ARK2C: variants seen among roughly 807,000 people sequenced by gnomAD.
ARK2C encodes arkadia (RNF111) C-terminal like ring finger ubiquitin ligase 2C, also known as E3 ubiquitin-protein ligase ARK2C.
the ARK2C span, among the ~76,000 whole-genome samples, chr18:46,357,185 C>T: frequency 1.1e-4 from 16 of 152,314 alleles, no homozygotes; most frequent in Admixed American, 9.8e-4. Flanking sequence ...GGACTCCTCG[C>T]TGAATAGTAA....
chr18:46,337,805 CTT>C, the ARK2C span, among the ~76,000 whole-genome samples: 6 of 132,558 alleles, frequency 4.5e-5, no homozygotes, highest in Non-Finnish European at 4.8e-5. Flanking sequence ...TTTTACTTTA[CTT>C]TTTTTTTTTT....
At chr18:46,347,220 G>C in the ARK2C span, among the ~76,000 whole-genome samples, 1 of 152,186 alleles carries the variant, frequency 6.6e-6, no homozygotes, top group African/African-American at 2.4e-5. Flanking sequence ...GCCCAGATCT[G>C]ATCCAAGAGG....
At chr18:46,367,355 A>G in the ARK2C span, among the ~76,000 whole-genome samples, 7 of 152,342 alleles carry the variant, frequency 4.6e-5, no homozygotes, top group South Asian at 1.0e-3. Context: ...GGGTCTGAGC[A>G]CAAATTGGAG....
chr18:46,368,914 T>C, the ARK2C span, among the ~76,000 whole-genome samples: 4 of 152,236 alleles, frequency 2.6e-5, no homozygotes, highest in African/African-American at 9.6e-5. Flanking sequence ...TTTAGAACAG[T>C]GCATGGCACA....
chr18:46,346,769 C>A, the ARK2C span, among the ~76,000 whole-genome samples: 3 of 152,190 alleles, frequency 2.0e-5, no homozygotes, highest in African/African-American at 7.2e-5. Flanking sequence ...ACCCCACTTC[C>A]CCCATGCAAA....
the ARK2C span, among the ~76,000 whole-genome samples, chr18:46,424,174 C>T: frequency 6.6e-6 from 1 of 152,306 alleles, no homozygotes; most frequent in African/African-American, 2.4e-5. Flanking sequence ...TCTTGGAGGG[C>T]TCCCAAGGGA....
chr18:46,382,999 G>T, the ARK2C span, among the ~76,000 whole-genome samples: 1 of 152,246 alleles, frequency 6.6e-6, no homozygotes, highest in African/African-American at 2.4e-5. Context: ...CACCCCCTGG[G>T]TCTGGAACCT....
the ARK2C span, among the ~76,000 whole-genome samples, chr18:46,422,715 C>T: frequency 6.6e-6 from 1 of 152,198 alleles, no homozygotes; most frequent in Non-Finnish European, 1.5e-5. Context: ...TTTGCATCAT[C>T]TCCTGGTGGG....
At chr18:46,385,933 G>A in the ARK2C span, 5 of 152,212 alleles carry the variant, frequency 3.3e-5, no homozygotes, top group African/African-American at 1.2e-4. Context: ...ATAAGGGGAT[G>A]GGGCTAGATG....
At chr18:46,452,340 C>T in the ARK2C span, among the ~76,000 whole-genome samples, 2 of 152,126 alleles carry the variant, frequency 1.3e-5, no homozygotes, top group East Asian at 3.9e-4. Context: ...AGTGCAGTGG[C>T]ACGATCTTGA....
At chr18:46,342,082 G>A in the ARK2C span, among the ~76,000 whole-genome samples, 3 of 152,192 alleles carry the variant, frequency 2.0e-5, no homozygotes, top group Non-Finnish European at 2.9e-5. Flanking sequence ...GCAATTCAAA[G>A]CTCTCTCTTC....
chr18:46,358,459 C>G, the ARK2C span, among the ~76,000 whole-genome samples: 1 of 152,168 alleles, frequency 6.6e-6, no homozygotes, highest in Non-Finnish European at 1.5e-5. Flanking sequence ...AATGAGGCCA[C>G]GGCAATTTTG....
chr18:46,455,340 G>C, the ARK2C span, among the ~76,000 whole-genome samples: 2 of 152,118 alleles, frequency 1.3e-5, no homozygotes, highest in African/African-American at 4.8e-5. Flanking sequence ...GTGTTGAGGG[G>C]GAGTGGATGG....
At chr18:46,408,843 T>C in the ARK2C span, among the ~76,000 whole-genome samples, 1 of 152,214 alleles carries the variant, frequency 6.6e-6, no homozygotes, top group African/African-American at 2.4e-5. Context: ...GTGATGAGCC[T>C]TCATCCCAGT....
the ARK2C span, among the ~76,000 whole-genome samples, chr18:46,355,912 G>T: frequency 1.3e-5 from 2 of 152,192 alleles, no homozygotes; most frequent in African/African-American, 4.8e-5. Context: ...CAATGGTGAT[G>T]ATGATGATGA....
At chr18:46,398,976 C>T in the ARK2C span, among the ~76,000 whole-genome samples, 2 of 152,132 alleles carry the variant, frequency 1.3e-5, no homozygotes, top group African/African-American at 4.8e-5. Context: ...AAAGGGCAGG[C>T]TCCTGGGTGT....
the ARK2C span, chr18:46,334,846 T>G: frequency 1.7e-5 from 3 of 181,208 alleles, no homozygotes; most frequent in South Asian, 2.0e-4. This position sits in a 1 kb window ranked among gnomAD's most constrained non-coding sequence, Gnocchi z 4.4. Flanking sequence ...GATGGCTGGC[T>G]AGCTGGGACC....
At chr18:46,393,754 T>C in the ARK2C span, among the ~76,000 whole-genome samples, 1 of 152,144 alleles carries the variant, frequency 6.6e-6, no homozygotes, top group South Asian at 2.1e-4. Flanking sequence ...GAGAGGCCAG[T>C]AAGTAGAAAG....
chr18:46,443,305 C>T, the ARK2C span, among the ~76,000 whole-genome samples: 2 of 152,036 alleles, frequency 1.3e-5, no homozygotes, highest in Non-Finnish European at 2.9e-5. Flanking sequence ...AATAGTCATA[C>T]CACTTTATTT....
Sources: allele counts gnomAD v4.1 joint callset (sites outside exome capture counted in the v4.1 genomes callset), GRCh38; gene constraint gnomAD v4.1.1; non-coding constraint Gnocchi (gnomAD v3.1); transcripts MANE v1.5; gene names NCBI Gene and HGNC (gene_info 2026-07-23, HGNC 2026-07-21).